SPMIP3: variants seen among roughly 807,000 people sequenced by gnomAD.
SPMIP3 encodes sperm microtubule inner protein 3, also known as protein SPMIP3.
chr1:244,359,615 C>T, the SPMIP3 span, among the ~76,000 whole-genome samples: 2 of 151,760 alleles, frequency 1.3e-5, no homozygotes, highest in Non-Finnish European at 2.9e-5. Flanking sequence ...CCCAACTACT[C>T]GGGAGGCTGA....
At chr1:244,381,196 G>A in the SPMIP3 span, among the ~76,000 whole-genome samples, 4 of 150,118 alleles carry the variant, frequency 2.7e-5, no homozygotes, top group Non-Finnish European at 5.9e-5. Flanking sequence ...GGCTGAGGAG[G>A]GGGCTAAAAA....
chr1:244,389,146 T>C, the SPMIP3 span: 3 of 1,033,640 alleles, frequency 2.9e-6, no homozygotes, highest in African/African-American at 4.8e-5. Context: ...GCAGAACTAC[T>C]TTCAGTTTCA....
chr1:244,367,917 C>T, the SPMIP3 span, among the ~76,000 whole-genome samples: 16 of 152,186 alleles, frequency 1.1e-4, no homozygotes, highest in South Asian at 2.1e-4. Context: ...CCTCCTCATC[C>T]GGGTTTCAGG....
At chr1:244,368,408 C>T in the SPMIP3 span, among the ~76,000 whole-genome samples, 3 of 152,338 alleles carry the variant, frequency 2.0e-5, no homozygotes, top group East Asian at 5.8e-4. Context: ...TATGAGGAAA[C>T]CAAGGCACGG....
the SPMIP3 span, among the ~76,000 whole-genome samples, chr1:244,382,067 C>T: frequency 6.6e-6 from 1 of 152,232 alleles, no homozygotes; most frequent in Non-Finnish European, 1.5e-5. Context: ...ATGCTGGAAG[C>T]TGGTGACCCC....
chr1:244,364,247 G>A, the SPMIP3 span, among the ~76,000 whole-genome samples: 1 of 152,086 alleles, frequency 6.6e-6, no homozygotes, highest in Non-Finnish European at 1.5e-5. Flanking sequence ...TGGTACTACA[G>A]GCGCCCGCCA....
chr1:244,385,016 C>T, the SPMIP3 span, among the ~76,000 whole-genome samples: 2 of 152,166 alleles, frequency 1.3e-5, no homozygotes, highest in Admixed American at 6.5e-5. Flanking sequence ...ATTCTTCTGT[C>T]TCAGCCTCCC....
At chr1:244,355,876 T>A in the SPMIP3 span, among the ~76,000 whole-genome samples, 1 of 152,204 alleles carries the variant, frequency 6.6e-6, no homozygotes, top group Admixed American at 6.5e-5. Context: ...AGCATACAAA[T>A]CCTGTATATG....
At chr1:244,372,657 A>G in the SPMIP3 span, among the ~76,000 whole-genome samples, 75 of 152,124 alleles carry the variant, frequency 4.9e-4, no homozygotes, top group East Asian at 6.8e-3. Flanking sequence ...GTTAGCCAGG[A>G]TGGTCTCGAA....
At chr1:244,357,173 T>C in the SPMIP3 span, among the ~76,000 whole-genome samples, 106 of 152,132 alleles carry the variant, frequency 7.0e-4, no homozygotes, top group African/African-American at 2.5e-3. Flanking sequence ...CCACCCACTT[T>C]GGCCTCCCAA....
the SPMIP3 span, among the ~76,000 whole-genome samples, chr1:244,356,538 C>T: frequency 6.6e-6 from 1 of 152,152 alleles, no homozygotes; most frequent in Non-Finnish European, 1.5e-5. Context: ...ACCTTCTGAA[C>T]ACCAATGTGA....
chr1:244,359,140 C>CAAAAAAA, the SPMIP3 span, among the ~76,000 whole-genome samples: 1 of 133,208 alleles, frequency 7.5e-6, no homozygotes, highest in Non-Finnish European at 1.6e-5. Context: ...TGATTAATGG[C>CAAAAAAA]AAAAAAAAAA....
At chr1:244,353,306 A>T in the SPMIP3 span, among the ~76,000 whole-genome samples, 1 of 152,248 alleles carries the variant, frequency 6.6e-6, no homozygotes, top group African/African-American at 2.4e-5. Flanking sequence ...ACACTCTGGG[A>T]GGCCGAGGTG....
the SPMIP3 span, chr1:244,376,449 A>G: frequency 7.5e-6 from 1 of 133,850 alleles, no homozygotes; most frequent in Non-Finnish European, 1.7e-5. Flanking sequence ...TCACATCAAC[A>G]GCAGCTCATC....
At chr1:244,367,304 C>T in the SPMIP3 span, among the ~76,000 whole-genome samples, 11 of 152,154 alleles carry the variant, frequency 7.2e-5, no homozygotes, top group East Asian at 1.2e-3. Flanking sequence ...GGCCCTGATC[C>T]GATTTACTTT....
the SPMIP3 span, among the ~76,000 whole-genome samples, chr1:244,357,213 C>CTCT: frequency 0.012 from 1,219 of 97,954 alleles, 6 homozygotes; most frequent in Non-Finnish European, 0.021. Context: ...CGAGCCACTG[C>CTCT]ACCCACCATG....
chr1:244,353,547 C>T, the SPMIP3 span, among the ~76,000 whole-genome samples: 1 of 152,124 alleles, frequency 6.6e-6, no homozygotes, highest in Non-Finnish European at 1.5e-5. Context: ...AAGGAAAGGA[C>T]TCAGAACCAA....
At chr1:244,359,023 A>G in the SPMIP3 span, among the ~76,000 whole-genome samples, 1 of 152,082 alleles carries the variant, frequency 6.6e-6, no homozygotes, top group Non-Finnish European at 1.5e-5. Flanking sequence ...TACTTGAGTT[A>G]CCACGTTCAG....
At chr1:244,359,877 G>A in the SPMIP3 span, among the ~76,000 whole-genome samples, 4 of 152,224 alleles carry the variant, frequency 2.6e-5, no homozygotes, top group Non-Finnish European at 4.4e-5. Flanking sequence ...TTGGGAGGCC[G>A]AGGCTGGCGG....
Sources: gnomAD v4.1 joint callset for allele counts (sites outside exome capture counted in the v4.1 genomes callset) on GRCh38, gnomAD v4.1.1 for gene constraint, MANE v1.5 for transcripts, NCBI Gene and HGNC (gene_info 2026-07-23, HGNC 2026-07-21) for gene names.